ITGA8: variants seen among roughly 807,000 people sequenced by gnomAD.
ITGA8 encodes integrin subunit alpha 8.
Under a neutral mutation model 142.3 loss-of-function variants are expected in ITGA8, and 91 were observed. The ratio of observed to expected loss-of-function variants is 0.64; its 90% CI spans 0.54 to 0.76. The LOEUF is 0.76. Among genes scored for constraint, ITGA8 ranks in the 30% least tolerant of loss-of-function variants. The probability of loss-of-function intolerance (pLI) is 0.00; values close to 1 mark genes in which losing one functional copy is unlikely to be tolerated. For synonymous variants in ITGA8, 505 were observed against 485.2 expected (o/e 1.04, Z -0.54); for missense variants, 1,406 against 1,327.7 (o/e 1.06, Z -0.92).
chr10:15,693,022 G>A (rs1834963244), intron 2 of ITGA8, among the ~76,000 whole-genome samples: 1 of 152,126 alleles, frequency 6.6e-6, no homozygotes. Flanking sequence ...AGCTGAGATT[G>A]TGCCACTGCA....
intron 5 of ITGA8, 65 bp downstream of exon 5, chr10:15,678,657 T>C: frequency 9.4e-7 from 1 of 1,067,076 alleles, no homozygotes; most frequent in Non-Finnish European, 1.5e-6. Context: ...GGTGTGGGAG[T>C]GAGAGGCAGA....
At chr10:15,583,067 T>A (rs1834443478) in intron 23 of ITGA8, among the ~76,000 whole-genome samples, 1 of 152,194 alleles carries the variant, frequency 6.6e-6, no homozygotes, top group Non-Finnish European at 1.5e-5. Context: ...ATGGAATACT[T>A]CTCAGCAGTA....
intron 27 of ITGA8, among the ~76,000 whole-genome samples, chr10:15,538,953 G>GTTTT (rs367805176): frequency 1.5e-5 from 2 of 132,198 alleles, no homozygotes; most frequent in African/African-American, 5.5e-5. Context: ...TCAGGTAAAG[G>GTTTT]TTTTTTTTTT....
rs1048537608 is a variant in ITGA8 at position 15,610,674 on chromosome 10, G to A, written c.1554-2384C>T. Among the ~76,000 whole-genome samples, 11 of 152,164 alleles carry A rather than the reference G, an allele frequency of 7.2e-5. No individual in the cohort carries two copies. The East Asian group carries it at 9.6e-4, about 13-fold the overall frequency. On this transcript the variant is annotated intron_variant, in intron 15 of 29. Transcript: ENST00000378076. ...AATAATGATTCTGCGTTGTGACTGT[G>A]CTCACAGCTGTCTATGATGAAGAGA...
chr10:15,711,654 C>A lies in ITGA8; in HGVS notation c.343+7112G>T, dbSNP rs181387018. Reference sequence around the variant, plus strand: ...GATATAGAAAGTTCCATCAACCTCCCCCCCAAAAGATTCCCTGCTATTACA... The same window carrying A: ...GATATAGAAAGTTCCATCAACCTCCACCCCAAAAGATTCCCTGCTATTACA... On this transcript the variant is annotated intron_variant, in intron 2 of 29. Coordinates refer to ENST00000378076, the MANE Select transcript of ITGA8 (RefSeq NM_003638.3). Among the ~76,000 whole-genome samples the A allele has an allele frequency of 1.4e-3, 210 of 152,006 alleles. 1 individual carries two copies. Among genetic ancestry groups the A allele is most frequent in the African/African-American group, 4.8e-3 (200 of 41,456 alleles).
intron 23 of ITGA8, among the ~76,000 whole-genome samples, chr10:15,577,972 A>C (rs1834331305): frequency 6.6e-6 from 1 of 152,188 alleles, no homozygotes; most frequent in Non-Finnish European, 1.5e-5. Context: ...CCTTATTTTG[A>C]GATAATTGTA....
chr10:15,597,409 C>A lies in ITGA8; in HGVS notation c.2119-110G>T. ...CCTGGATCTCAAACACCCAGGAGGG[C>A]GATAGTGCAAAAAAAGTAATTGATG... On this transcript the variant is annotated intron_variant, in intron 20 of 29. Coordinates refer to ENST00000378076, the MANE Select transcript of ITGA8 (RefSeq NM_003638.3). 5.2e-6 allele frequency: 4 copies of A among 771,572 alleles called. No homozygotes were observed. The South Asian group carries it at 6.0e-5, about 12-fold the overall frequency. 47.8% of individuals were successfully genotyped at this position (771,572 alleles called of 1,614,324 possible).
At position 15,673,096 on chromosome 10, in the gene ITGA8, T is replaced by C. The variant is rs555606321; in HGVS notation, c.677-347A>G. Among the ~76,000 whole-genome samples the C allele has an allele frequency of 3.3e-5, 5 of 152,278 alleles. No homozygotes were observed. The South Asian group carries it at 1.0e-3, about 32-fold the overall frequency. The stretch of plus-strand genomic sequence containing the variant: ...TTGTTTGTTTGTTTGTTTGTTTTTG[T>C]TTTTTGGGACAGAGTCTCGCACTAT... On this transcript the variant is annotated intron_variant, in intron 6 of 29. Coordinates refer to ENST00000378076, the MANE Select transcript of ITGA8 (RefSeq NM_003638.3).
At chr10:15,648,602 A>T (rs1421117395) in intron 11 of ITGA8, among the ~76,000 whole-genome samples, 1 of 152,006 alleles carries the variant, frequency 6.6e-6, no homozygotes, top group South Asian at 2.1e-4. Flanking sequence ...CAGATTCCAT[A>T]TCAAGTGGCT....
rs999184007 is a variant in ITGA8, at chr10:15,644,335, A to C, written c.1208-114T>G. ...CAAGCTGGAGTGCAGTGGTGGGATC[A>C]TGGCTCACCGCAGCCCCACACTCCC... On this transcript the variant is annotated intron_variant, in intron 12 of 29. Transcript: ENST00000378076. 1.4e-5 allele frequency: 13 copies of C among 945,960 alleles called. No individual in the cohort carries two copies. In the African/African-American group the frequency reaches 1.8e-4, roughly 13 times the overall value. 58.6% of individuals were successfully genotyped at this position (945,960 alleles called of 1,614,324 possible). A position where few individuals can be genotyped will look rare whatever the true frequency, so the allele number is the denominator to read the frequency against.
intron 29 of ITGA8, 110 bp from the exon 30 acceptor site, chr10:15,517,354 G>T: frequency 1.6e-6 from 1 of 617,208 alleles, no homozygotes; most frequent in East Asian, 3.3e-5. Flanking sequence ...ACTGAGTCTC[G>T]CTCTCTATTC....
At position 15,719,737 on chromosome 10, in the gene ITGA8, C is replaced by T; in HGVS notation, c.35G>A (p.Ser12Asn). ...SPGASRGPRG[S>N]QAPLIAPLCC... Reference sequence around the variant, plus strand: ...GAGGGGCGCGATCAGCGGCGCCTGGCTTCCCCGGGGACCGCGGCTGGCCCC... The same window carrying T: ...GAGGGGCGCGATCAGCGGCGCCTGGTTTCCCCGGGGACCGCGGCTGGCCCC... Residue 12 changes from serine (S) to asparagine (N), a missense_variant, in exon 1 of 30, where the codon AGC becomes AAC. By Grantham distance (46) the Ser-to-Asn change is conservative (BLOSUM62 1). Coordinates refer to ENST00000378076, the MANE Select transcript of ITGA8 (RefSeq NM_003638.3). 7.3e-7 allele frequency: 1 copy of T among 1,372,022 alleles called. No homozygotes were observed. Among genetic ancestry groups the T allele is most frequent in the Admixed American group, 4.0e-5 (1 of 25,126 alleles). The allele number at this position is 1,372,022 out of a possible 1,614,324, so 85.0% of individuals were successfully genotyped here.
At chr10:15,666,668 CTCT>C (rs1834399973) in intron 8 of ITGA8, among the ~76,000 whole-genome samples, 1 of 152,060 alleles carries the variant, frequency 6.6e-6, no homozygotes, top group South Asian at 2.1e-4. Context: ...TCATAGATAG[CTCT>C]TATTATTTTG....
chr10:15,521,074 A>C (rs574994305), intron 28 of ITGA8, among the ~76,000 whole-genome samples: 1 of 152,326 alleles, frequency 6.6e-6, no homozygotes, highest in African/African-American at 2.4e-5. Context: ...GCTAGAGTGC[A>C]ATGGCACGAT....
rs1833994501 is a variant in ITGA8, at chr10:15,647,021, G to C, written c.1032C>G (p.Leu344=). Residue 344 remains leucine (L), a synonymous_variant, in exon 12 of 30, where the codon CTC becomes CTG. Coordinates refer to ENST00000378076, the MANE Select transcript of ITGA8 (RefSeq NM_003638.3). ...GLDDVLVGAP[L]FMEREFESNP... is the part of the protein sequence containing the mutation. ...TGCTCTCAAATTCACGTTCCATAAA[G>C]AGAGGTGCCCCAACCAGGACATCAT... 4 of 1,613,740 alleles carry C rather than the reference G, an allele frequency of 2.5e-6. No individual in the cohort carries two copies. Among genetic ancestry groups the C allele is most frequent in the Non-Finnish European group, 3.4e-6 (4 of 1,180,014 alleles).
chr10:15,678,650 G>A, intron 5 of ITGA8, 72 bp downstream of exon 5: 1 of 972,256 alleles, frequency 1.0e-6, no homozygotes, highest in Non-Finnish European at 1.7e-6. Flanking sequence ...GTTTTGGGGT[G>A]TGGGAGTGAG....
intron 2 of ITGA8, among the ~76,000 whole-genome samples, chr10:15,711,221 C>T (rs1395575614): frequency 6.6e-6 from 1 of 152,180 alleles, no homozygotes; most frequent in Non-Finnish European, 1.5e-5. Context: ...ACATTCGGAA[C>T]ATATGATCCT....
At chr10:15,688,294 AAAAATACC>A (rs1424369680) in intron 2 of ITGA8, among the ~76,000 whole-genome samples, 58 of 114,034 alleles carry the variant, frequency 5.1e-4, no homozygotes, top group African/African-American at 1.6e-3. Flanking sequence ...GTCTCTACCA[AAAAATACC>A]AAAAAAAAAA....
chr10:15,562,512 A>G (rs536883851), intron 25 of ITGA8, among the ~76,000 whole-genome samples: 63 of 152,332 alleles, frequency 4.1e-4, no homozygotes, highest in African/African-American at 1.5e-3. Flanking sequence ...TTGGCAGGAA[A>G]GAAGGTATGG....
Sources: allele counts gnomAD v4.1 joint callset (sites outside exome capture counted in the v4.1 genomes callset), GRCh38; gene constraint gnomAD v4.1.1; transcripts MANE v1.5; gene names NCBI Gene and HGNC (gene_info 2026-07-23, HGNC 2026-07-21).